Variants in SLC19A2 observed in about 807,000 individuals in gnomAD.
SLC19A2 encodes solute carrier family 19 member 2.
SLC19A2 carries 27 observed loss-of-function variants against 44.7 expected under a neutral mutation model. The ratio of observed to expected loss-of-function variants is 0.60; its 90% CI spans 0.45 to 0.83. The LOEUF is 0.83. Among genes scored for constraint, SLC19A2 ranks in the 40% least tolerant of loss-of-function variants. SLC19A2 has a pLI of 0.00. For missense variants in SLC19A2, 566 were observed against 613.7 expected (o/e 0.92, Z 0.82); for synonymous variants, 239 against 243.6 (o/e 0.98, Z 0.18).
chr1:169,470,887 G>A (rs1658156509), intron 2 of SLC19A2, among the ~76,000 whole-genome samples: 1 of 152,064 alleles, frequency 6.6e-6, no homozygotes, highest in South Asian at 2.1e-4. Flanking sequence ...TGTATGAAAG[G>A]ACTAATCTAC....
intron 1 of SLC19A2, among the ~76,000 whole-genome samples, chr1:169,483,930 T>C (rs1336930604): frequency 6.6e-6 from 1 of 152,232 alleles, no homozygotes; most frequent in African/African-American, 2.4e-5. Context: ...CTCATATCAG[T>C]GCAGTAATTT....
chr1:169,475,642 C>G (rs1658287849), intron 2 of SLC19A2, among the ~76,000 whole-genome samples: 1 of 152,182 alleles, frequency 6.6e-6, no homozygotes, highest in Non-Finnish European at 1.5e-5. Context: ...CATCAACCCT[C>G]TGTTGACTCT....
Position 169,464,276 on chromosome 1 carries a change from CAAACA to C in SLC19A2, c.*1568_*1572del, listed in dbSNP as rs1657936536. The C allele has an allele frequency of 6.6e-6, 1 of 152,422 alleles. No individual in the cohort carries two copies. Among genetic ancestry groups the C allele is most frequent in the Admixed American group, 6.6e-5 (1 of 15,256 alleles). The allele number at this position is 152,422 out of a possible 1,614,324, so 9.4% of individuals were successfully genotyped here. A position where few individuals can be genotyped will look rare whatever the true frequency, so the allele number is the denominator to read the frequency against. On this transcript the variant is annotated 3_prime_UTR_variant, in exon 6 of 6. Transcript: ENST00000236137. ...GGAGTACACAATTCCCAAATTAGCA[CAAACA>C]AAACAAAGCAAAAAAAGAAAAACAG...
intron 5 of SLC19A2, among the ~76,000 whole-genome samples, chr1:169,466,959 G>A (rs1367332121): frequency 6.6e-6 from 1 of 152,160 alleles, no homozygotes; most frequent in Non-Finnish European, 1.5e-5. Flanking sequence ...CACTGAGCCA[G>A]TTTCTTTCAA....
chr1:169,473,207 T>C (rs898767841), intron 2 of SLC19A2, among the ~76,000 whole-genome samples: 4 of 152,210 alleles, frequency 2.6e-5, no homozygotes, highest in South Asian at 2.1e-4. Flanking sequence ...GTGGTGGTTT[T>C]TGAGTCAACT....
At chr1:169,476,194 T>C (rs149150286) in intron 2 of SLC19A2, among the ~76,000 whole-genome samples, 1 of 152,034 alleles carries the variant, frequency 6.6e-6, no homozygotes, top group East Asian at 1.9e-4. Flanking sequence ...TCTTCCTGGC[T>C]AGACAGAACA....
chr1:169,479,726 C>A (rs1208448849), intron 1 of SLC19A2, among the ~76,000 whole-genome samples: 2 of 152,234 alleles, frequency 1.3e-5, no homozygotes, highest in African/African-American at 2.4e-5. Flanking sequence ...GTGGCCTCAA[C>A]TTTTAAGTGC....
Position 169,468,791 on chromosome 1 carries a change from G to T in SLC19A2, c.1076C>A (p.Ser359Ter). 6.2e-7 allele frequency: 1 copy of T among 1,613,832 alleles called. No homozygotes were observed. Among genetic ancestry groups the T allele is most frequent in the South Asian group, 1.1e-5 (1 of 91,062 alleles). ...FAVGYIKISW[S>*]TWGEMTLSLF... ...AGATAATGTCATTTCTCCCCAAGTT[G>T]ACCAGGATATTTTTATATAACCAAC... The change falls in exon 4 of 6, where the codon TCA becomes TAA. Residue 359 changes from serine to a stop codon, truncating the protein, a stop_gained. Transcript: ENST00000236137. LOFTEE classifies it high-confidence loss of function.
At chr1:169,476,561 T>A (rs984495655) in intron 2 of SLC19A2, among the ~76,000 whole-genome samples, 1 of 151,866 alleles carries the variant, frequency 6.6e-6, no homozygotes, top group Non-Finnish European at 1.5e-5. Context: ...TCTACTAAAA[T>A]ACAAAAATTA....
intron 1 of SLC19A2, among the ~76,000 whole-genome samples, chr1:169,483,565 C>T (rs1347195590): frequency 3.3e-5 from 5 of 152,160 alleles, no homozygotes; most frequent in Non-Finnish European, 5.9e-5. Flanking sequence ...TTTTGTTACA[C>T]AATCAGCAAA....
At chr1:169,473,392 G>A (rs553637682) in intron 2 of SLC19A2, among the ~76,000 whole-genome samples, 11 of 147,630 alleles carry the variant, frequency 7.5e-5, no homozygotes, top group African/African-American at 2.8e-4. Context: ...GCACCACCAC[G>A]CCCAGCTAGT....
chr1:169,471,501 ACACACAC>A (rs1658179462), intron 2 of SLC19A2, among the ~76,000 whole-genome samples: 1 of 115,852 alleles, frequency 8.6e-6, no homozygotes, highest in Non-Finnish European at 1.8e-5. Context: ...ACACACACAC[ACACACAC>A]AATTTAATTA....
chr1:169,477,256 C>A lies in SLC19A2; in HGVS notation c.706G>T (p.Gly236Cys). The change falls in exon 2 of 6, where the codon GGC becomes TGC. Residue 236 changes from glycine (G) to cysteine (C), a missense_variant. Physicochemically the swap from Gly to Cys is radical, Grantham distance 159 (BLOSUM62 -3). Transcript: ENST00000236137. ...GAAGCTGGGGTGTCAGTAACAATGC[C>A]ACCATTTTGTACCTTGATGCCATTC... ...RVNGIKVQNG[G>C]IVTDTPASNH... The A allele has an allele frequency of 6.2e-7, 1 of 1,614,124 alleles. No homozygotes were observed. The highest frequency in any genetic ancestry group is 1.7e-5 in the Admixed American group (1 of 60,020).
chr1:169,470,321 C>A, intron 2 of SLC19A2, 135 bp from the exon 3 acceptor site: 1 of 776,668 alleles, frequency 1.3e-6, no homozygotes, highest in Non-Finnish European at 2.2e-6. Context: ...AACTTATTAA[C>A]AAATACATTT....
chr1:169,464,733 G>T lies in SLC19A2; in HGVS notation c.*1116C>A, dbSNP rs1657947929. On this transcript the variant is annotated 3_prime_UTR_variant, in exon 6 of 6. Coordinates refer to ENST00000236137, the MANE Select transcript of SLC19A2 (RefSeq NM_006996.3). The stretch of plus-strand genomic sequence containing the variant: ...GCAATTTTAAGCAAATATTCAAGAT[G>T]ATCTACCTTTAGAAACAAAGGCAGA... The T allele has an allele frequency of 6.6e-6, 1 of 152,456 alleles. No homozygotes were observed. The highest frequency in any genetic ancestry group is 6.6e-5 in the Admixed American group (1 of 15,262). 9.4% of individuals were successfully genotyped at this position (152,456 alleles called of 1,614,324 possible). A position where few individuals can be genotyped will look rare whatever the true frequency, so the allele number is the denominator to read the frequency against.
At position 169,485,766 on chromosome 1, in the gene SLC19A2, TC is replaced by T. The variant is rs1056266952; in HGVS notation, c.-1del. The stretch of plus-strand genomic sequence containing the variant: ...CGAGACACCGGGCCGGGCACATCCA[TC>T]CGGGGCGCGAGGGGAGGGGACCCGG... On this transcript the variant is annotated 5_prime_UTR_variant, in exon 1 of 6. Coordinates refer to ENST00000236137, the MANE Select transcript of SLC19A2 (RefSeq NM_006996.3). 1 of 1,530,074 alleles carries T rather than the reference TC, an allele frequency of 6.5e-7. No homozygotes were observed. The highest frequency in any genetic ancestry group is 1.4e-5 in the African/African-American group (1 of 72,248). 94.8% of individuals were successfully genotyped at this position (1,530,074 alleles called of 1,614,324 possible).
intron 1 of SLC19A2, among the ~76,000 whole-genome samples, chr1:169,483,860 CT>C (rs773268685): frequency 6.6e-5 from 10 of 152,266 alleles, no homozygotes; most frequent in Non-Finnish European, 1.0e-4. Context: ...AGTATCAATT[CT>C]GCCTCAGTGG....
In SLC19A2 at chr1:169,463,970, C is replaced by A. The variant is rs990010418; in HGVS notation, c.*1879G>T. ...TATTTAATAAAAATAATTTTATAAT[C>A]TATACAGAATTGAATAAAAAGTACA... On this transcript the variant is annotated 3_prime_UTR_variant, in exon 6 of 6. Coordinates refer to ENST00000236137, the MANE Select transcript of SLC19A2 (RefSeq NM_006996.3). The A allele has an allele frequency of 6.6e-6, 1 of 152,126 alleles. No homozygotes were observed. The highest frequency in any genetic ancestry group is 2.4e-5 in the African/African-American group (1 of 41,354). The allele number at this position is 152,126 out of a possible 1,614,324, so 9.4% of individuals were successfully genotyped here.
chr1:169,466,108 G>T, intron 5 of SLC19A2, 131 bp from the exon 6 acceptor site: 2 of 1,035,644 alleles, frequency 1.9e-6, no homozygotes, highest in African/African-American at 1.6e-5. Context: ...AGACCCTGAA[G>T]ACACAAAGCA....
Sources: allele counts gnomAD v4.1 joint callset (sites outside exome capture counted in the v4.1 genomes callset), GRCh38; gene constraint gnomAD v4.1.1; transcripts MANE v1.5; gene names NCBI Gene and HGNC (gene_info 2026-07-23, HGNC 2026-07-21).